POU2F1: variants seen among roughly 807,000 people sequenced by gnomAD.
The protein encoded by POU2F1 is POU class 2 homeobox 1.
A neutral mutation model predicts 84.9 loss-of-function variants in POU2F1; 16 were observed. That is an observed-to-expected ratio of 0.19 (90% CI 0.13 to 0.29). The LOEUF (loss-of-function observed/expected upper bound fraction) is 0.29, where lower values mean the gene tolerates loss of function less well. Among genes scored for constraint, POU2F1 ranks in the 10% least tolerant of loss-of-function variants. The pLI, the probability that POU2F1 is intolerant of heterozygous loss-of-function variation, is 1.00. For missense variants in POU2F1, 738 were observed against 942.6 expected, an observed-to-expected ratio of 0.78 and a Z score of 2.84; for synonymous variants, 368 against 368.3, an observed-to-expected ratio of 1.00 and a Z score of 0.01.
chr1:167,273,027 C>G (rs1054475311), intron 1 of POU2F1, among the ~76,000 whole-genome samples: 1 of 152,174 alleles, frequency 6.6e-6, no homozygotes, highest in East Asian at 1.9e-4. Flanking sequence ...TAAACACACC[C>G]ATTCCAAAAG....
chr1:167,392,865 A>G (rs1648525089), intron 9 of POU2F1, among the ~76,000 whole-genome samples: 1 of 152,192 alleles, frequency 6.6e-6, no homozygotes, highest in Non-Finnish European at 1.5e-5. Flanking sequence ...AGTTATTCAA[A>G]GGTTGCTCTG....
At position 167,419,751 on chromosome 1, in the gene POU2F1, A is replaced by T. The variant is rs1159047314; in HGVS notation, c.*3941A>T. ...ATTTGTTATCAGAAAGATCAATACT[A>T]TCCCAATTTATTCAACTTGTTACCC... On this transcript the variant is annotated 3_prime_UTR_variant, in exon 16 of 16. Transcript: ENST00000367866. 3 of 152,224 alleles carry T rather than the reference A, an allele frequency of 2.0e-5. No individual in the cohort carries two copies. The highest frequency in any genetic ancestry group is 3.8e-4 in the East Asian group (2 of 5,204). The allele number at this position is 152,224 out of a possible 1,614,324, so 9.4% of individuals were successfully genotyped here.
At chr1:167,289,144 A>G (rs1025652378) in intron 1 of POU2F1, among the ~76,000 whole-genome samples, 1 of 152,254 alleles carries the variant, frequency 6.6e-6, no homozygotes, top group African/African-American at 2.4e-5. Flanking sequence ...CAAATCAATA[A>G]ATGAGTGGTC....
chr1:167,333,097 C>T (rs530123551), intron 2 of POU2F1, among the ~76,000 whole-genome samples: 1 of 152,188 alleles, frequency 6.6e-6, no homozygotes, highest in South Asian at 2.1e-4. Flanking sequence ...GACACATACC[C>T]ATTTCTAATA....
In POU2F1 at chr1:167,415,908, T is replaced by G; in HGVS notation, c.*98T>G. On this transcript the variant is annotated 3_prime_UTR_variant, in exon 16 of 16. Transcript: ENST00000367866. ...ACTGAAAAATGTGATTGGCTTCCTC[T>G]CGCCGTGTTGTGAGGGCAAAGGAGA... is the stretch of plus-strand genomic sequence containing the variant. The G allele has an allele frequency of 9.3e-7, 1 of 1,080,572 alleles. No homozygotes were observed. The highest frequency in any genetic ancestry group is 1.3e-6 in the Non-Finnish European group (1 of 769,384). The allele number at this position is 1,080,572 out of a possible 1,614,324, so 66.9% of individuals were successfully genotyped here. A position where few individuals can be genotyped will look rare whatever the true frequency, so the allele number is the denominator to read the frequency against.
At chr1:167,346,444 A>G (rs1658205739) in intron 2 of POU2F1, among the ~76,000 whole-genome samples, 1 of 152,200 alleles carries the variant, frequency 6.6e-6, no homozygotes, top group African/African-American at 2.4e-5. Context: ...TATCCATTCT[A>G]TAGATCAGCA....
chr1:167,399,353 C>T lies in POU2F1; in HGVS notation c.1437C>T (p.Ser479=), dbSNP rs1052374270. 6.2e-7 allele frequency: 1 copy of T among 1,611,790 alleles called. No homozygotes were observed. Among genetic ancestry groups the T allele is most frequent in the Non-Finnish European group, 8.5e-7 (1 of 1,178,942 alleles). ...SSSPIKAIFP[S]PTSLVATTPS... is the part of the protein sequence containing the mutation. ...CACCTATTAAAGCAATTTTCCCCAGCCCAACTTCACTGGTAAGAATAAAAA... is the reference window on the plus strand; with the variant it reads ...CACCTATTAAAGCAATTTTCCCCAGTCCAACTTCACTGGTAAGAATAAAAA... Residue 479 remains serine, a synonymous_variant, in exon 12 of 16, where the codon AGC becomes AGT. Coordinates refer to ENST00000367866, the MANE Select transcript of POU2F1 (RefSeq NM_002697.4).
At chr1:167,347,918 G>C (rs1658304285) in intron 2 of POU2F1, among the ~76,000 whole-genome samples, 1 of 152,076 alleles carries the variant, frequency 6.6e-6, no homozygotes, top group African/African-American at 2.4e-5. Context: ...ACCACAATTT[G>C]TTGGTGTCCC....
At chr1:167,312,941 A>G (rs936322779) in intron 1 of POU2F1, among the ~76,000 whole-genome samples, 5 of 152,274 alleles carry the variant, frequency 3.3e-5, no homozygotes, top group Non-Finnish European at 5.9e-5. Context: ...AACATGCTGT[A>G]TAGATTTGTA....
At chr1:167,312,569 A>G (rs1285560518) in intron 1 of POU2F1, among the ~76,000 whole-genome samples, 4 of 152,158 alleles carry the variant, frequency 2.6e-5, no homozygotes, top group Non-Finnish European at 4.4e-5. Flanking sequence ...TTTATAAATT[A>G]AATAAGTTAC....
chr1:167,265,017 C>T lies in POU2F1; in HGVS notation c.61+44059C>T, dbSNP rs1651843256. 3.3e-5 allele frequency among the ~76,000 whole-genome samples: 5 copies of T among 152,160 alleles called. No homozygotes were observed. The South Asian group carries it at 1.0e-3, about 32-fold the overall frequency. On this transcript the variant is annotated intron_variant, in intron 1 of 15. Coordinates refer to ENST00000367866, the MANE Select transcript of POU2F1 (RefSeq NM_002697.4). ...TACAACTGGTGAATCCATACCAGAC[C>T]CCATCCCTGCCAGTCCTTCCCTACT... is the stretch of plus-strand genomic sequence containing the variant.
At chr1:167,320,515 A>G (rs894632853) in intron 1 of POU2F1, among the ~76,000 whole-genome samples, 8 of 152,338 alleles carry the variant, frequency 5.3e-5, no homozygotes, top group Non-Finnish European at 1.2e-4. Flanking sequence ...ACTATTTGTA[A>G]AAGCCTGTTG....
intron 2 of POU2F1, among the ~76,000 whole-genome samples, chr1:167,351,791 T>A (rs1658602284): frequency 6.6e-6 from 1 of 152,146 alleles, no homozygotes. Context: ...GGTTTCACCT[T>A]AGCTTTCTCC....
At chr1:167,384,926 T>TA (rs1455421499) in intron 8 of POU2F1, among the ~76,000 whole-genome samples, 7 of 152,100 alleles carry the variant, frequency 4.6e-5, no homozygotes, top group African/African-American at 1.7e-4. Context: ...TCTTAGTTGC[T>TA]AGATGACATG....
chr1:167,412,398 A>AG, intron 14 of POU2F1, 94 bp downstream of exon 14: 6 of 1,109,164 alleles, frequency 5.4e-6, no homozygotes, highest in South Asian at 3.4e-5. Context: ...TTAGATGGGG[A>AG]AAAAAATGTC....
rs1238861701 is a variant in POU2F1, at chr1:167,421,409, G to A, written c.*5599G>A. On this transcript the variant is annotated 3_prime_UTR_variant, in exon 16 of 16. Coordinates refer to ENST00000367866, the MANE Select transcript of POU2F1 (RefSeq NM_002697.4). ...AGATTTCCAGTAAGGTATTTGAAAG[G>A]ATTCCACTGGGAGGGCAGGGAATAT... is the stretch of plus-strand genomic sequence containing the variant. 3.9e-5 allele frequency: 6 copies of A among 152,172 alleles called. No individual in the cohort carries two copies. Among genetic ancestry groups the A allele is most frequent in the Non-Finnish European group, 8.8e-5 (6 of 68,026 alleles). The allele number at this position is 152,172 out of a possible 1,614,324, so 9.4% of individuals were successfully genotyped here. A position where few individuals can be genotyped will look rare whatever the true frequency, so the allele number is the denominator to read the frequency against.
At chr1:167,277,506 A>G (rs1423228663) in intron 1 of POU2F1, among the ~76,000 whole-genome samples, 3 of 151,842 alleles carry the variant, frequency 2.0e-5, no homozygotes, top group Admixed American at 6.6e-5. Flanking sequence ...ATTAAAAAAA[A>G]AAAAAAAAAA....
chr1:167,402,711 C>T (rs1001019070), intron 13 of POU2F1, among the ~76,000 whole-genome samples: 3 of 152,172 alleles, frequency 2.0e-5, no homozygotes, highest in Non-Finnish European at 4.4e-5. Context: ...CAAGAATATA[C>T]TTAAGAACCT....
intron 1 of POU2F1, among the ~76,000 whole-genome samples, chr1:167,251,781 T>A (rs1311383854): frequency 1.3e-5 from 2 of 152,010 alleles, no homozygotes; most frequent in Non-Finnish European, 2.9e-5. Context: ...ACGGAACATA[T>A]TACAGGTTTC....
Sources: gnomAD v4.1 joint callset for allele counts (sites outside exome capture counted in the v4.1 genomes callset) on GRCh38, gnomAD v4.1.1 for gene constraint, MANE v1.5 for transcripts, NCBI Gene and HGNC (gene_info 2026-07-23, HGNC 2026-07-21) for gene names.